GLIS3: variants seen among roughly 807,000 people sequenced by gnomAD.
GLIS3 encodes the protein zinc finger protein GLIS3.
Under a neutral mutation model 78.6 loss-of-function variants are expected in GLIS3, and 53 were observed. That is an observed-to-expected ratio of 0.67 (90% CI 0.54 to 0.85). The LOEUF (loss-of-function observed/expected upper bound fraction) is 0.85, where lower values mean the gene tolerates loss of function less well. Among genes scored for constraint, GLIS3 ranks in the 40% least tolerant of loss-of-function variants. The probability of loss-of-function intolerance (pLI) is 0.00; values close to 1 mark genes in which losing one functional copy is unlikely to be tolerated. For missense variants in GLIS3, 1,703 were observed against 1,231.1 expected (o/e 1.38, Z -5.74); for synonymous variants, 684 against 509.9 (o/e 1.34, Z -4.60).
At position 4,019,926 on chromosome 9, in the gene GLIS3, A is replaced by T. The variant is rs59314114; in HGVS notation, c.1711-82737T>A. On this transcript the variant is annotated intron_variant, in intron 4 of 10. Coordinates refer to ENST00000381971, the MANE Select transcript of GLIS3 (RefSeq NM_001042413.2). ...TAAAAAATTAGCATCTGGCTAACAT[A>T]TAAATTTTTTTTGTAGAGACGGGGT... 1.3e-3 allele frequency among the ~76,000 whole-genome samples: 198 copies of T among 150,814 alleles called. 1 individual carries two copies. Among genetic ancestry groups the T allele is most frequent in the African/African-American group, 4.7e-3 (188 of 40,338 alleles).
intron 4 of GLIS3, among the ~76,000 whole-genome samples, chr9:3,979,114 T>A (rs114114737): frequency 0.021 from 3,137 of 152,268 alleles, 124 homozygotes; most frequent in African/African-American, 0.072. Context: ...ATATATTATA[T>A]CACTGTTCTA....
At chr9:4,393,031 G>GA in the GLIS3 span, among the ~76,000 whole-genome samples, 5 of 150,972 alleles carry the variant, frequency 3.3e-5, no homozygotes, top group South Asian at 2.1e-4. Flanking sequence ...AGATTTGATA[G>GA]AAAAAAAATG....
intron 1 of GLIS3, among the ~76,000 whole-genome samples, chr9:4,297,400 C>T (rs1247091594): frequency 6.6e-6 from 1 of 152,174 alleles, no homozygotes; most frequent in African/African-American, 2.4e-5. Flanking sequence ...TCAGGTGAAG[C>T]CAGGGTCCAC....
intron 2 of GLIS3, among the ~76,000 whole-genome samples, chr9:4,266,587 T>G (rs1826028276): frequency 9.0e-6 from 1 of 110,964 alleles, no homozygotes; most frequent in African/African-American, 3.7e-5. Flanking sequence ...TACACATGCA[T>G]GCGCGTGTAC....
At chr9:4,380,716 A>C in the GLIS3 span, among the ~76,000 whole-genome samples, 30 of 152,344 alleles carry the variant, frequency 2.0e-4, no homozygotes, top group African/African-American at 7.0e-4. Context: ...TACCAATCAA[A>C]TATGAACATA....
intron 2 of GLIS3, among the ~76,000 whole-genome samples, chr9:4,334,519 G>A (rs942605229): frequency 2.6e-5 from 4 of 152,170 alleles, no homozygotes; most frequent in Non-Finnish European, 5.9e-5. Context: ...GACTTTTCTG[G>A]CTCTGTTTGC....
the GLIS3 span, among the ~76,000 whole-genome samples, chr9:4,434,302 T>C: frequency 6.6e-6 from 1 of 152,148 alleles, no homozygotes; most frequent in African/African-American, 2.4e-5. Flanking sequence ...AAGTAGTCTG[T>C]GGGAGTCAGA....
chr9:4,181,631 C>T (rs1467204536), intron 2 of GLIS3, among the ~76,000 whole-genome samples: 1 of 152,234 alleles, frequency 6.6e-6, no homozygotes, highest in Non-Finnish European at 1.5e-5. Flanking sequence ...AGTGACTTTG[C>T]TATTCCTCAC....
intron 2 of GLIS3, among the ~76,000 whole-genome samples, chr9:4,148,469 T>C (rs1025435399): frequency 6.6e-6 from 1 of 152,260 alleles, no homozygotes; most frequent in East Asian, 1.9e-4. Flanking sequence ...AGGTTTACAG[T>C]GCTCTATTCC....
chr9:4,130,691 G>C (rs1379556211), intron 2 of GLIS3, among the ~76,000 whole-genome samples: 1 of 152,226 alleles, frequency 6.6e-6, no homozygotes, highest in Non-Finnish European at 1.5e-5. Context: ...TGGATGTCCA[G>C]ACAGAAGCCT....
the GLIS3 span, among the ~76,000 whole-genome samples, chr9:4,459,428 C>A: frequency 6.6e-6 from 1 of 152,018 alleles, no homozygotes; most frequent in Non-Finnish European, 1.5e-5. Context: ...CAGTGAGGTA[C>A]GAGGGAAAAC....
chr9:4,322,207 C>T (rs1817540399), intron 2 of GLIS3, among the ~76,000 whole-genome samples: 1 of 152,198 alleles, frequency 6.6e-6, no homozygotes, highest in Admixed American at 6.5e-5. Context: ...AGGACATGAA[C>T]TCATCCTTTT....
At chr9:4,028,251 A>G (rs1823516542) in intron 4 of GLIS3, among the ~76,000 whole-genome samples, 1 of 152,198 alleles carries the variant, frequency 6.6e-6, no homozygotes, top group African/African-American at 2.4e-5. Context: ...TGGTGATAAC[A>G]TACATCACTT....
chr9:4,401,684 C>T, the GLIS3 span, among the ~76,000 whole-genome samples: 1 of 151,910 alleles, frequency 6.6e-6, no homozygotes, highest in African/African-American at 2.4e-5. Flanking sequence ...TCTCATGCCT[C>T]AGCCTCAAGT....
chr9:4,139,046 G>A (rs1833613137), intron 2 of GLIS3, among the ~76,000 whole-genome samples: 1 of 152,160 alleles, frequency 6.6e-6, no homozygotes, highest in Admixed American at 6.5e-5. Flanking sequence ...GGTGAGACCA[G>A]GCTGGGAAGA....
At chr9:4,460,568 C>T in the GLIS3 span, among the ~76,000 whole-genome samples, 3 of 150,828 alleles carry the variant, frequency 2.0e-5, no homozygotes, top group African/African-American at 7.3e-5. Flanking sequence ...CACCACCCCC[C>T]GAGTTTAAAT....
chr9:4,045,431 G>A (rs1825166441), intron 4 of GLIS3, among the ~76,000 whole-genome samples: 1 of 151,932 alleles, frequency 6.6e-6, no homozygotes, highest in African/African-American at 2.4e-5. Flanking sequence ...CACCTCCCAG[G>A]TTCAAGCAAT....
At chr9:4,057,327 G>C (rs1322230866) in intron 4 of GLIS3, among the ~76,000 whole-genome samples, 1 of 152,090 alleles carries the variant, frequency 6.6e-6, no homozygotes. Context: ...ACTGGGTCCT[G>C]ACAATTATGA....
At position 4,286,211 on chromosome 9, in the gene GLIS3, T is replaced by A. The variant is rs946956469; in HGVS notation, c.215A>T (p.Asn72Ile). The A allele has an allele frequency of 1.2e-6, 2 of 1,614,106 alleles. No homozygotes were observed. The highest frequency in any genetic ancestry group is 2.7e-5 in the African/African-American group (2 of 74,940). Residue 72 changes from asparagine to isoleucine, a missense_variant, in exon 2 of 11, where the codon AAC (asparagine) becomes ATC (isoleucine). By Grantham distance (149) the Asn-to-Ile change is moderately radical (BLOSUM62 -3). Coordinates refer to ENST00000381971, the MANE Select transcript of GLIS3 (RefSeq NM_001042413.2). ...MPSGGGMAPQ[N>I]NVAESRIHLP... is the part of the protein sequence containing the mutation. ...ATGGATGCGGCTCTCAGCCACGTTG[T>A]TCTGAGGAGCCATCCCTCCTCCTGA...
Sources: allele counts gnomAD v4.1 joint callset (sites outside exome capture counted in the v4.1 genomes callset), GRCh38; gene constraint gnomAD v4.1.1; transcripts MANE v1.5; gene names NCBI Gene and HGNC (gene_info 2026-07-23, HGNC 2026-07-21).